ALOX15B: variants seen among roughly 807,000 people sequenced by gnomAD.
ALOX15B encodes polyunsaturated fatty acid lipoxygenase ALOX15B.
ALOX15B carries 74 observed loss-of-function variants against 73.8 expected under a neutral mutation model. The observed-to-expected ratio is 1.00, with a 90% confidence interval of 0.83 to 1.22. The LOEUF is 1.22. Among genes scored for constraint, ALOX15B ranks in the 50% most tolerant of loss-of-function variants. ALOX15B has a pLI of 0.00. For missense variants in ALOX15B, 896 were observed against 859.9 expected, an observed-to-expected ratio of 1.04 and a Z score of -0.52; for synonymous variants, 353 against 357.2, an observed-to-expected ratio of 0.99 and a Z score of 0.13.
chr17:8,039,931 G>A lies in ALOX15B; in HGVS notation c.397G>A (p.Val133Met), dbSNP rs577527240. The A allele has an allele frequency of 4.3e-5, 70 of 1,613,716 alleles. No individual in the cohort carries two copies. In the African/African-American group the frequency reaches 8.7e-4, roughly 20 times the overall value. Residue 133 changes from valine (V) to methionine (M), a missense_variant, in exon 3 of 14, where the codon GTG becomes ATG. Transcript: ENST00000380183. ...AKVSWADHHP[V>M]LQQQRQEELQ... ...GGTGTCCTGGGCAGACCACCACCCT[G>A]TGCTCCAGCAACAGCGCCAGGAGGA...
rs201760450 is a variant in ALOX15B, at chr17:8,047,277, G to A, written c.1477G>A (p.Gly493Ser). ...TTGCAGCTTTGTCTCTGAAATCATCGGTATCTACTACCCAAGTGATGAGTC... is the reference window on the plus strand; with the variant it reads ...TTGCAGCTTTGTCTCTGAAATCATCAGTATCTACTACCCAAGTGATGAGTC... ...AVERFVSEII[G>S]IYYPSDESVQ... The change falls in exon 11 of 14, where the codon GGT becomes AGT. Residue 493 changes from glycine (G) to serine (S), a missense_variant. Physicochemically the swap from Gly to Ser is moderately conservative, Grantham distance 56 (BLOSUM62 0). Coordinates refer to ENST00000380183, the MANE Select transcript of ALOX15B (RefSeq NM_001141.3). 51 of 1,613,858 alleles carry A rather than the reference G, an allele frequency of 3.2e-5. No homozygotes were observed. Among genetic ancestry groups the A allele is most frequent in the African/African-American group, 4.0e-5 (3 of 74,864 alleles).
intron 11 of ALOX15B, 22 bp from the exon 12 acceptor site, chr17:8,047,542 C>G: frequency 6.3e-7 from 1 of 1,582,572 alleles, no homozygotes; most frequent in Non-Finnish European, 8.6e-7. Flanking sequence ...GAAGCCCCAT[C>G]CCAGCCCAGC....
intron 5 of ALOX15B, among the ~76,000 whole-genome samples, chr17:8,044,079 G>T (rs1294747584): frequency 1.3e-5 from 2 of 148,686 alleles, no homozygotes; most frequent in South Asian, 4.3e-4. Flanking sequence ...GAGAGAAAGA[G>T]GTGGGGAGTG....
At position 8,045,375 on chromosome 17, in the gene ALOX15B, C is replaced by T. The variant is rs149490685; in HGVS notation, c.987C>T (p.Leu329=). The change falls in exon 7 of 14, where the codon CTC becomes CTT. Residue 329 remains leucine (L), a synonymous_variant. Coordinates refer to ENST00000380183, the MANE Select transcript of ALOX15B (RefSeq NM_001141.3). The part of the protein sequence containing the change: ...QSPGCGPLLP[L]AIQLSQTPGP... ...CAGGCTGCGGGCCGCTGCTGCCTCT[C>T]GCCATCCAGGTATGCAGTCAGGCAG... The T allele has an allele frequency of 2.1e-4, 338 of 1,613,908 alleles. No homozygotes were observed. Among genetic ancestry groups the T allele is most frequent in the Non-Finnish European group, 2.5e-4 (295 of 1,180,016 alleles).
rs1310123976 is a variant in ALOX15B, at chr17:8,039,540, A to T, written c.302A>T (p.His101Leu). 3 of 1,429,046 alleles carry T rather than the reference A, an allele frequency of 2.1e-6. No individual in the cohort carries two copies. The highest frequency in any genetic ancestry group is 2.2e-5 in the Admixed American group (1 of 46,366). 88.5% of individuals were successfully genotyped at this position (1,429,046 alleles called of 1,614,324 possible). ...CAGCTGACACCGCCGCGGGGCGGCC[A>T]CCTCCTCTTCCCCTGCTACCAGTGG... ...WFQLTPPRGG[H>L]LLFPCYQWLE... The change falls in exon 2 of 14, where the codon CAC becomes CTC. Residue 101 changes from histidine to leucine, a missense_variant. By Grantham distance (99) the His-to-Leu change is moderately conservative. Transcript: ENST00000380183.
rs761225803 is a variant in ALOX15B, at chr17:8,045,576, G to A, written c.1090G>A (p.Glu364Lys). ...GGCCAAGACCTGGGTGCGCAATGCCGAGTTCTCCTTCCATGAGGCCCTCAC... is the reference window on the plus strand; with the variant it reads ...GGCCAAGACCTGGGTGCGCAATGCCAAGTTCTCCTTCCATGAGGCCCTCAC... The part of the protein sequence containing the change: ...LLAKTWVRNA[E>K]FSFHEALTHL... The change falls in exon 8 of 14, where the codon GAG becomes AAG. Residue 364 changes from glutamate to lysine, a missense_variant. By Grantham distance (56) the Glu-to-Lys change is moderately conservative. Coordinates refer to ENST00000380183, the MANE Select transcript of ALOX15B (RefSeq NM_001141.3). The A allele has an allele frequency of 2.1e-5, 34 of 1,614,036 alleles. No homozygotes were observed. Among genetic ancestry groups the A allele is most frequent in the South Asian group, 5.5e-5 (5 of 91,086 alleles).
At chr17:8,044,691 G>C in intron 5 of ALOX15B, 138 bp from the exon 6 acceptor site, 2 of 711,278 alleles carry the variant, frequency 2.8e-6, no homozygotes, top group Non-Finnish European at 4.7e-6. Flanking sequence ...CAAGGGGCAG[G>C]GGAGGTAACT....
Position 8,048,657 on chromosome 17 carries a change from C to T in ALOX15B, c.*92C>T. ...AGAGAAAAGGACTCCTCAGAAAAAA[C>T]AGGCCCCCATGTGCCTCTCCTGGGA... On this transcript the variant is annotated 3_prime_UTR_variant, in exon 14 of 14. Transcript: ENST00000380183. The T allele has an allele frequency of 6.9e-7, 1 of 1,440,570 alleles. No homozygotes were observed. The highest frequency in any genetic ancestry group is 9.3e-7 in the Non-Finnish European group (1 of 1,073,216). 89.2% of individuals were successfully genotyped at this position (1,440,570 alleles called of 1,614,324 possible).
intron 13 of ALOX15B, 65 bp from the exon 14 acceptor site, chr17:8,048,321 G>GATGCTCA: frequency 6.5e-7 from 1 of 1,539,310 alleles, no homozygotes. Context: ...CAGATAGTGG[G>GATGCTCA]GACCAGGAGT....
chr17:8,040,460 G>T (rs1976407627), intron 3 of ALOX15B, among the ~76,000 whole-genome samples: 3 of 151,206 alleles, frequency 2.0e-5, no homozygotes, highest in Admixed American at 6.6e-5. Flanking sequence ...CAGAAGAATA[G>T]CTTGAACCCG....
chr17:8,042,825 T>C lies in ALOX15B; in HGVS notation c.617T>C (p.Leu206Pro). The C allele has an allele frequency of 1.3e-6, 2 of 1,558,918 alleles. No homozygotes were observed. The highest frequency in any genetic ancestry group is 2.4e-5 in the South Asian group (2 of 84,526). Residue 206 changes from leucine (L) to proline (P), a missense_variant, in exon 5 of 14, where the codon CTC (leucine) becomes CCC (proline). By Grantham distance (98) the Leu-to-Pro change is moderately conservative. Transcript: ENST00000380183. ...KIKGLLDRKG[L>P]WRSLNEMKRI... Reference sequence around the variant, plus strand: ...AAGGGGTTGCTGGACCGCAAGGGGCTCTGGAGGAGTCTGAATGAGATGAAA... The same window carrying C: ...AAGGGGTTGCTGGACCGCAAGGGGCCCTGGAGGAGTCTGAATGAGATGAAA...
Position 8,045,544 on chromosome 17 carries a change from G to C in ALOX15B, c.1058G>C (p.Trp353Ser). The change falls in exon 8 of 14, where the codon TGG (tryptophan) becomes TCG (serine). Residue 353 changes from tryptophan (W) to serine (S), a missense_variant. Transcript: ENST00000380183. ...CTGCCCACTGATGACAAGTGGGACT[G>C]GTTGCTGGCCAAGACCTGGGTGCGC... ...IFLPTDDKWD[W>S]LLAKTWVRNA... 1 of 1,614,180 alleles carries C rather than the reference G, an allele frequency of 6.2e-7. No individual in the cohort carries two copies. Among genetic ancestry groups the C allele is most frequent in the Non-Finnish European group, 8.5e-7 (1 of 1,180,038 alleles).
rs1001561370 is a variant in ALOX15B, at chr17:8,039,217, A to G, written c.62A>G (p.Lys21Arg). Residue 21 changes from lysine (K) to arginine (R), a missense_variant, in exon 1 of 14, where the codon AAA becomes AGA. Transcript: ENST00000380183. The part of the protein sequence containing the change: ...GEAFGAGTWD[K>R]VSVSIVGTRG... ...GCCTTCGGGGCTGGCACATGGGACA[A>G]AGTGTCTGTCAGCATCGTGGGGACC... 1.2e-6 allele frequency: 2 copies of G among 1,611,816 alleles called. No homozygotes were observed. Among genetic ancestry groups the G allele is most frequent in the Non-Finnish European group, 1.7e-6 (2 of 1,178,942 alleles).
chr17:8,041,656 A>C (rs1215903527), intron 3 of ALOX15B, among the ~76,000 whole-genome samples: 2 of 152,268 alleles, frequency 1.3e-5, no homozygotes, highest in East Asian at 1.9e-4. Flanking sequence ...GAGTGAGAGC[A>C]TGACTGGCTA....
intron 11 of ALOX15B, 59 bp downstream of exon 11, chr17:8,047,438 C>T (rs1976641690): frequency 6.2e-7 from 1 of 1,606,924 alleles, no homozygotes; most frequent in Non-Finnish European, 8.5e-7. Context: ...GTCCCCCACC[C>T]CCTGCAGAGC....
At chr17:8,040,623 G>GAAAGAAAGAAAGAAAGA (rs1780831841) in intron 3 of ALOX15B, among the ~76,000 whole-genome samples, 2 of 127,804 alleles carry the variant, frequency 1.6e-5, no homozygotes, top group Admixed American at 1.5e-4. Context: ...AAGAAAGAAA[G>GAAAGAAAGAAAGAAAGA]AAAGAAAGAA....
intron 3 of ALOX15B, 26 bp from the exon 4 acceptor site, chr17:8,042,343 G>T (rs756515236): frequency 1.2e-6 from 2 of 1,612,108 alleles, no homozygotes. Context: ...GCCTCTTGCT[G>T]ACCACCTTCC....
chr17:8,045,462 TC>T lies in ALOX15B; in HGVS notation c.997-17del, dbSNP rs1293979088. On this transcript the variant is annotated intron_variant, in intron 7 of 13. Transcript: ENST00000380183. ...TGGAAGACACTCATGGCTGCCTCTCTCCCCACCTGCCTCCCCCCAGCTCAGC... is the reference window on the plus strand; with the variant it reads ...TGGAAGACACTCATGGCTGCCTCTCTCCCACCTGCCTCCCCCCAGCTCAGC... 2 of 1,613,768 alleles carry T rather than the reference TC, an allele frequency of 1.2e-6. No homozygotes were observed. Among genetic ancestry groups the T allele is most frequent in the Admixed American group, 3.3e-5 (2 of 60,000 alleles).
At chr17:8,042,588 T>G (rs1376797946) in intron 4 of ALOX15B, 97 bp downstream of exon 4, 1 of 1,517,054 alleles carries the variant, frequency 6.6e-7, no homozygotes, top group African/African-American at 1.4e-5. Context: ...CTCAGTGATA[T>G]GAGTCACATA....
Sources: gnomAD v4.1 joint callset for allele counts (sites outside exome capture counted in the v4.1 genomes callset) on GRCh38, gnomAD v4.1.1 for gene constraint, MANE v1.5 for transcripts, NCBI Gene and HGNC (gene_info 2026-07-23, HGNC 2026-07-21) for gene names.